ZNF487: variants seen among roughly 807,000 people sequenced by gnomAD.
The protein encoded by ZNF487 is KRAB domain only 1.
A neutral mutation model predicts 3.0 loss-of-function variants in ZNF487; 4 were observed. The ratio of observed to expected loss-of-function variants is 1.35; its 90% CI spans 0.66 to 3.08. The LOEUF (loss-of-function observed/expected upper bound fraction) is 3.08. ZNF487 is among the 30% of genes most tolerant of loss of function. The pLI is 0.01. For synonymous variants in ZNF487, 55 were observed against 34.6 expected (o/e 1.59, Z -2.06); for missense variants, 146 against 98.7 (o/e 1.48, Z -2.03).
the ZNF487 span, among the ~76,000 whole-genome samples, chr10:43,515,979 A>G: frequency 6.6e-6 from 1 of 151,938 alleles, no homozygotes; most frequent in Non-Finnish European, 1.5e-5. Flanking sequence ...ACGGGATTTC[A>G]CCATGTTGGC....
At chr10:43,496,150 T>C in the ZNF487 span, 4 of 518,352 alleles carry the variant, frequency 7.7e-6, no homozygotes, top group Non-Finnish European at 1.6e-5. Flanking sequence ...TGGGTAAGGA[T>C]TGCGTTTTAT....
At chr10:43,465,190 GC>G (rs1188361201) in intron 1 of ZNF487, among the ~76,000 whole-genome samples, 3 of 149,576 alleles carry the variant, frequency 2.0e-5, no homozygotes, top group Non-Finnish European at 4.5e-5. Flanking sequence ...CGGGCGGGGG[GC>G]TGACCCCCCC....
At chr10:43,501,415 GT>G in the ZNF487 span, among the ~76,000 whole-genome samples, 4 of 152,022 alleles carry the variant, frequency 2.6e-5, no homozygotes, top group Non-Finnish European at 5.9e-5. Flanking sequence ...ATTAATTTTA[GT>G]TTACTGTAAC....
chr10:43,468,398 G>A (rs191524985), intron 1 of ZNF487, among the ~76,000 whole-genome samples: 5 of 152,110 alleles, frequency 3.3e-5, no homozygotes, highest in South Asian at 2.1e-4. Flanking sequence ...AGGAAGAGCC[G>A]GCCGGGTGCA....
the ZNF487 span, among the ~76,000 whole-genome samples, chr10:43,490,500 C>CTTTTTTTTTTT: frequency 2.6e-4 from 10 of 39,160 alleles, 4 homozygotes; most frequent in East Asian, 2.4e-3. Flanking sequence ...AGTAGCTCTA[C>CTTTTTTTTTTT]TTTTTTTTTT....
the ZNF487 span, among the ~76,000 whole-genome samples, chr10:43,508,893 A>G: frequency 6.6e-6 from 1 of 151,676 alleles, no homozygotes; most frequent in Non-Finnish European, 1.5e-5. Flanking sequence ...AATGTGGCCA[A>G]TGTAAATTAA....
At chr10:43,448,995 GAAAAAAAAAA>G (rs928786631) in intron 1 of ZNF487, among the ~76,000 whole-genome samples, 1 of 56,338 alleles carries the variant, frequency 1.8e-5, no homozygotes, top group Non-Finnish European at 3.4e-5. Flanking sequence ...ACCTGTCTCC[GAAAAAAAAAA>G]AAAAAAAAAA....
At chr10:43,523,098 A>C in the ZNF487 span, among the ~76,000 whole-genome samples, 1 of 152,134 alleles carries the variant, frequency 6.6e-6, no homozygotes, top group African/African-American at 2.4e-5. Flanking sequence ...GTTTTGTCTA[A>C]TCCTAAGGGA....
At chr10:43,491,858 A>G in the ZNF487 span, among the ~76,000 whole-genome samples, 63 of 151,978 alleles carry the variant, frequency 4.1e-4, 1 homozygote, top group African/African-American at 1.4e-3. Context: ...AAATAAAATC[A>G]AGGATATATG....
chr10:43,464,948 G>T (rs1191008460), intron 1 of ZNF487, among the ~76,000 whole-genome samples: 1 of 152,016 alleles, frequency 6.6e-6, no homozygotes, highest in East Asian at 2.0e-4. Flanking sequence ...AGGGGCGGCC[G>T]GGCAGAGGCG....
intron 1 of ZNF487, among the ~76,000 whole-genome samples, chr10:43,456,858 G>C (rs527789146): frequency 6.6e-6 from 1 of 152,214 alleles, no homozygotes; most frequent in Non-Finnish European, 1.5e-5. Flanking sequence ...TGGGATTACA[G>C]GCGTGAGCCA....
rs1840209050 is a variant in ZNF487, at chr10:43,456,525, C to G, written c.-93-19196C>G. Among the ~76,000 whole-genome samples, 3 of 152,192 alleles carry G rather than the reference C, an allele frequency of 2.0e-5. No homozygotes were observed. In the South Asian group the frequency reaches 6.2e-4, roughly 31 times the overall value. ...TGCCCAGGAAATGTCTCTCCATTTT[C>G]AGGGTTGAGAGAACCTGGTTGGGAG... On this transcript the variant is annotated intron_variant, in intron 1 of 3. Coordinates refer to ENST00000437590, the MANE Select transcript of ZNF487 (RefSeq NM_001355444.3).
the ZNF487 span, among the ~76,000 whole-genome samples, chr10:43,516,247 A>G: frequency 6.6e-6 from 1 of 152,194 alleles, no homozygotes; most frequent in Non-Finnish European, 1.5e-5. Flanking sequence ...TTTATTTTGC[A>G]TAACTATCTA....
At chr10:43,519,458 C>G in the ZNF487 span, among the ~76,000 whole-genome samples, 16 of 151,618 alleles carry the variant, frequency 1.1e-4, no homozygotes, top group African/African-American at 3.6e-4. Flanking sequence ...TACCTAACAC[C>G]TAAAATGTAA....
intron 1 of ZNF487, among the ~76,000 whole-genome samples, chr10:43,474,082 G>C (rs1008387034): frequency 6.6e-6 from 1 of 151,464 alleles, no homozygotes; most frequent in Non-Finnish European, 1.5e-5. Flanking sequence ...GATTGCTTGA[G>C]CCCAGGAGGT....
the ZNF487 span, among the ~76,000 whole-genome samples, chr10:43,520,637 G>A: frequency 6.6e-6 from 1 of 152,202 alleles, no homozygotes; most frequent in Non-Finnish European, 1.5e-5. Flanking sequence ...TTATAGAGCA[G>A]TGACATACAA....
At chr10:43,495,553 A>G in the ZNF487 span, among the ~76,000 whole-genome samples, 25 of 152,238 alleles carry the variant, frequency 1.6e-4, 1 homozygote, top group African/African-American at 6.0e-4. Flanking sequence ...CCCATGATAC[A>G]TTATTGATGT....
chr10:43,483,730 G>T (rs1036182371), downstream of ZNF487, among the ~76,000 whole-genome samples: 2 of 152,306 alleles, frequency 1.3e-5, no homozygotes, highest in Admixed American at 6.5e-5. Flanking sequence ...TTTTCACTAT[G>T]TTGGCCAGGG....
At chr10:43,444,484 A>G (rs1251221756) in intron 1 of ZNF487, among the ~76,000 whole-genome samples, 2 of 152,290 alleles carry the variant, frequency 1.3e-5, no homozygotes, top group East Asian at 1.9e-4. Context: ...CATTTTTGAA[A>G]GACATTTTTG....
Sources: allele counts gnomAD v4.1 joint callset (sites outside exome capture counted in the v4.1 genomes callset), GRCh38; gene constraint gnomAD v4.1.1; transcripts MANE v1.5; gene names NCBI Gene and HGNC (gene_info 2026-07-23, HGNC 2026-07-21).